Variants in CLUAP1 observed in about 807,000 individuals in gnomAD.
CLUAP1 encodes clusterin-associated protein 1.
Under a neutral mutation model 55.0 loss-of-function variants are expected in CLUAP1, and 50 were observed. The ratio of observed to expected loss-of-function variants is 0.91; its 90% CI spans 0.72 to 1.15. CLUAP1 has a LOEUF of 1.15. Ranked by LOEUF, CLUAP1 falls within the 50% of genes most tolerant of loss-of-function variation. The pLI, the probability that CLUAP1 is intolerant of heterozygous loss-of-function variation, is 0.00. For missense variants in CLUAP1, 530 were observed against 507.6 expected, an observed-to-expected ratio of 1.04 and a Z score of -0.42; for synonymous variants, 195 against 175.4, an observed-to-expected ratio of 1.11 and a Z score of -0.88.
intron 1 of CLUAP1, among the ~76,000 whole-genome samples, chr16:3,501,524 C>T (rs766939235): frequency 6.6e-6 from 1 of 152,130 alleles, no homozygotes; most frequent in Non-Finnish European, 1.5e-5. Context: ...GGCTCACGCC[C>T]GTAAGCCCAA....
Position 3,532,850 on chromosome 16 carries a change from C to T in CLUAP1, c.1092+9C>T. 2 of 1,613,996 alleles carry T rather than the reference C, an allele frequency of 1.2e-6. No homozygotes were observed. The highest frequency in any genetic ancestry group is 1.1e-5 in the South Asian group (1 of 91,066). On this transcript the variant is annotated intron_variant, in intron 11 of 11. Transcript: ENST00000576634. ...GAGACTCCGATGACAATGTAAGTCC[C>T]CCGCTCCCCTCAGTGGTTCTGTGCA...
Position 3,505,248 on chromosome 16 carries a change from A to G in CLUAP1, c.134+417A>G, listed in dbSNP as rs146729169. Among the ~76,000 whole-genome samples, 93 of 152,138 alleles carry G rather than the reference A, an allele frequency of 6.1e-4. No homozygotes were observed. In the East Asian group the frequency reaches 0.01, roughly 16 times the overall value. On this transcript the variant is annotated intron_variant, in intron 2 of 11. Transcript: ENST00000576634. ...AGACTGTGTCTCAAAAAACAAAATC[A>G]GGCCGGGCGCAGTGGCTCACGCCTG...
At chr16:3,499,355 A>T (rs2037346213), upstream of CLUAP1, among the ~76,000 whole-genome samples, 1 of 152,212 alleles carries the variant, frequency 6.6e-6, no homozygotes, top group Admixed American at 6.5e-5. Flanking sequence ...CAAAAAAAAA[A>T]GTTCAAGTTG....
At chr16:3,535,302 G>C (rs1415427046) in intron 11 of CLUAP1, 1 of 152,558 alleles carries the variant, frequency 6.6e-6, no homozygotes, top group Non-Finnish European at 1.5e-5. Flanking sequence ...TGAGTTCAAC[G>C]ACTCGCTCAG....
intron 9 of CLUAP1, among the ~76,000 whole-genome samples, chr16:3,527,393 A>G (rs1035686034): frequency 2.0e-5 from 3 of 152,170 alleles, no homozygotes; most frequent in Non-Finnish European, 2.9e-5. Flanking sequence ...ACCTTCTGTT[A>G]TGCCCAGACA....
intron 9 of CLUAP1, among the ~76,000 whole-genome samples, chr16:3,527,372 C>A (rs751903645): frequency 6.6e-6 from 1 of 152,094 alleles, no homozygotes; most frequent in African/African-American, 2.4e-5. Context: ...GACCAGAAGA[C>A]AAGAGTGCAA....
intron 4 of CLUAP1, among the ~76,000 whole-genome samples, chr16:3,510,792 G>A (rs2037609617): frequency 6.6e-6 from 1 of 152,222 alleles, no homozygotes; most frequent in Non-Finnish European, 1.5e-5. Context: ...TGAGCCCCTG[G>A]AAGGATGAAG....
At chr16:3,523,100 C>T (rs2037872506) in intron 7 of CLUAP1, 58 bp from the exon 8 acceptor site, 3 of 1,409,604 alleles carry the variant, frequency 2.1e-6, no homozygotes, top group Non-Finnish European at 1.9e-6. Context: ...TGTGAATACC[C>T]ATTTCAAACT....
At position 3,528,644 on chromosome 16, in the gene CLUAP1, A is replaced by G. The variant is rs953221078; in HGVS notation, c.929-1924A>G. ...CATGCTGTCCCCGGGCCAGGATGCT[A>G]AGACCTGCCATTCTGATCTTGCTTT... On this transcript the variant is annotated intron_variant, in intron 9 of 11. Coordinates refer to ENST00000576634, the MANE Select transcript of CLUAP1 (RefSeq NM_015041.3). Among the ~76,000 whole-genome samples, 10 of 152,132 alleles carry G rather than the reference A, an allele frequency of 6.6e-5. No homozygotes were observed. The East Asian group carries it at 1.7e-3, about 26-fold the overall frequency.
chr16:3,521,793 G>A (rs563603063), intron 7 of CLUAP1, among the ~76,000 whole-genome samples: 4 of 150,736 alleles, frequency 2.7e-5, no homozygotes, highest in Admixed American at 1.3e-4. Context: ...AGTGATTCAC[G>A]TCTATAATCC....
chr16:3,519,616 C>T (rs1453266481), intron 6 of CLUAP1, among the ~76,000 whole-genome samples: 1 of 152,196 alleles, frequency 6.6e-6, no homozygotes, highest in Non-Finnish European at 1.5e-5. Context: ...CTGCAGGCCT[C>T]TCCACCTTGA....
chr16:3,519,630 G>A (rs1294523537), intron 6 of CLUAP1, among the ~76,000 whole-genome samples: 1 of 152,138 alleles, frequency 6.6e-6, no homozygotes. Flanking sequence ...ACCTTGACCA[G>A]GACACTCTTC....
intron 5 of CLUAP1, among the ~76,000 whole-genome samples, chr16:3,514,240 C>G (rs2037688656): frequency 2.0e-5 from 3 of 152,178 alleles, no homozygotes; most frequent in Admixed American, 2.0e-4. Flanking sequence ...GGGTCTCTTT[C>G]AACACCATCC....
Position 3,538,572 on chromosome 16 carries a change from T to A in CLUAP1, c.*2301T>A, listed in dbSNP as rs2038281001. The A allele has an allele frequency of 6.6e-6, 1 of 152,208 alleles. No homozygotes were observed. Among genetic ancestry groups the A allele is most frequent in the Admixed American group, 6.5e-5 (1 of 15,278 alleles). 9.4% of individuals were successfully genotyped at this position (152,208 alleles called of 1,614,324 possible). A position where few individuals can be genotyped will look rare whatever the true frequency, so the allele number is the denominator to read the frequency against. On this transcript the variant is annotated 3_prime_UTR_variant, in exon 12 of 12. Transcript: ENST00000576634. ...ATTTTCCTTATGTGATGCTTTCTTCTAACACACTTTAACACAGAAGCCTAA... is the reference window on the plus strand; with the variant it reads ...ATTTTCCTTATGTGATGCTTTCTTCAAACACACTTTAACACAGAAGCCTAA...
At chr16:3,534,552 TAGG>T (rs2038194201) in intron 11 of CLUAP1, 1 of 152,360 alleles carries the variant, frequency 6.6e-6, no homozygotes, top group Admixed American at 6.5e-5. Context: ...AGAAGCCAGT[TAGG>T]AGGCGCCTGC....
chr16:3,531,023 A>T (rs1003615702), intron 10 of CLUAP1, among the ~76,000 whole-genome samples: 2 of 152,318 alleles, frequency 1.3e-5, no homozygotes, highest in African/African-American at 4.8e-5. Context: ...TCTCTGCCTT[A>T]AAAAAAGTTC....
At position 3,520,167 on chromosome 16, in the gene CLUAP1, G is replaced by C. The variant is rs564715265; in HGVS notation, c.713+131G>C. ...GCGGGGGGTTCTCTTGAGCCCAGGAGTTTGAGACCAGCCTGGGCAGCATAA... is the reference window on the plus strand; with the variant it reads ...GCGGGGGGTTCTCTTGAGCCCAGGACTTTGAGACCAGCCTGGGCAGCATAA... On this transcript the variant is annotated intron_variant, in intron 7 of 11. Coordinates refer to ENST00000576634, the MANE Select transcript of CLUAP1 (RefSeq NM_015041.3). 5 of 885,800 alleles carry C rather than the reference G, an allele frequency of 5.6e-6. No homozygotes were observed. In the African/African-American group the frequency reaches 6.8e-5, roughly 12 times the overall value. The allele number at this position is 885,800 out of a possible 1,614,324, so 54.9% of individuals were successfully genotyped here.
intron 4 of CLUAP1, 106 bp from the exon 5 acceptor site, chr16:3,512,277 C>T (rs1322446748): frequency 1.3e-6 from 1 of 783,436 alleles, no homozygotes; most frequent in Admixed American, 1.9e-5. Flanking sequence ...CGGAGGGTCA[C>T]TTGAGGCCAG....
At chr16:3,527,141 G>A (rs2037960575) in intron 9 of CLUAP1, among the ~76,000 whole-genome samples, 1 of 152,182 alleles carries the variant, frequency 6.6e-6, no homozygotes, top group Admixed American at 6.5e-5. Context: ...GCCGAGGCAA[G>A]AGACCGAGAG....
Sources: allele counts gnomAD v4.1 joint callset (sites outside exome capture counted in the v4.1 genomes callset), GRCh38; gene constraint gnomAD v4.1.1; transcripts MANE v1.5; gene names NCBI Gene and HGNC (gene_info 2026-07-23, HGNC 2026-07-21).